Variants in LMBR1 observed in about 807,000 individuals in gnomAD.
LMBR1 encodes limb region 1 protein homolog.
In LMBR1, 52 loss-of-function variants were observed where a neutral mutation model predicts 73.9. That is an observed-to-expected ratio of 0.70 (90% CI 0.56 to 0.89). The LOEUF is 0.89. Among genes scored for constraint, LMBR1 ranks in the 40% least tolerant of loss-of-function variants. The probability of loss-of-function intolerance (pLI) is 0.00; values close to 1 mark genes in which losing one functional copy is unlikely to be tolerated. For synonymous variants in LMBR1, 215 were observed against 209.4 expected, an observed-to-expected ratio of 1.03 and a Z score of -0.23; for missense variants, 539 against 579.8, an observed-to-expected ratio of 0.93 and a Z score of 0.72.
chr7:156,818,951 A>AC (rs1834343242), intron 4 of LMBR1, among the ~76,000 whole-genome samples: 2 of 152,288 alleles, frequency 1.3e-5, no homozygotes, highest in South Asian at 4.1e-4. Flanking sequence ...CATGTCATGG[A>AC]CCCACACTGT....
intron 8 of LMBR1, among the ~76,000 whole-genome samples, chr7:156,757,093 G>C (rs1034630601): frequency 6.6e-6 from 1 of 152,184 alleles, no homozygotes; most frequent in African/African-American, 2.4e-5. Context: ...TGGGATTATA[G>C]AAGTGAGCCA....
chr7:156,852,626 C>T (rs934310680), intron 1 of LMBR1, among the ~76,000 whole-genome samples: 2 of 152,162 alleles, frequency 1.3e-5, no homozygotes, highest in African/African-American at 4.8e-5. Flanking sequence ...TTTTGCTAAA[C>T]AGGGTTGAGA....
At chr7:156,859,244 G>A (rs1158206521) in intron 1 of LMBR1, among the ~76,000 whole-genome samples, 40 of 42,108 alleles carry the variant, frequency 9.5e-4, no homozygotes, top group South Asian at 1.4e-3. Context: ...GTGAAACTCC[G>A]TCTCAAAAAA....
rs192982623 is a variant in LMBR1 at position 156,779,639 on chromosome 7, A to G, written c.424-15844T>C. On this transcript the variant is annotated intron_variant, in intron 5 of 16. Coordinates refer to ENST00000353442, the MANE Select transcript of LMBR1 (RefSeq NM_022458.4). Reference sequence around the variant, plus strand: ...TTTAATTCACATCAATGAAGTGAAAATTACAATGTACTTACAAAAGCTCTA... The same window carrying G: ...TTTAATTCACATCAATGAAGTGAAAGTTACAATGTACTTACAAAAGCTCTA... 3.2e-6 allele frequency: 4 copies of G among 1,232,568 alleles called. No homozygotes were observed. The Admixed American group carries it at 9.7e-5, about 30-fold the overall frequency. The allele number at this position is 1,232,568 out of a possible 1,614,324, so 76.4% of individuals were successfully genotyped here. A position where few individuals can be genotyped will look rare whatever the true frequency, so the allele number is the denominator to read the frequency against.
At chr7:156,726,474 CAA>C (rs1046900275) in intron 12 of LMBR1, among the ~76,000 whole-genome samples, 21 of 150,852 alleles carry the variant, frequency 1.4e-4, no homozygotes, top group Admixed American at 9.3e-4. Context: ...AAAAAAAACA[CAA>C]AAAAGTTACT....
chr7:156,802,137 T>C (rs1831111448), intron 4 of LMBR1, among the ~76,000 whole-genome samples: 2 of 152,216 alleles, frequency 1.3e-5, no homozygotes, highest in South Asian at 4.2e-4. Flanking sequence ...CACGCGCCAC[T>C]GCGCCAGGCT....
chr7:156,877,097 TAA>T (rs940585390), intron 1 of LMBR1, among the ~76,000 whole-genome samples: 4 of 150,648 alleles, frequency 2.7e-5, no homozygotes, highest in Non-Finnish European at 5.9e-5. Context: ...ACCAAGAAAA[TAA>T]GAGAGGATTC....
chr7:156,892,755 G>C (rs1420444339), intron 1 of LMBR1, among the ~76,000 whole-genome samples, 173 bp downstream of exon 1: 1 of 120,858 alleles, frequency 8.3e-6, no homozygotes, highest in Non-Finnish European at 1.9e-5. Flanking sequence ...GGTGGGGAGG[G>C]AAGGGGAGGG....
At chr7:156,709,689 G>C (rs1305872310) in intron 15 of LMBR1, among the ~76,000 whole-genome samples, 1 of 152,006 alleles carries the variant, frequency 6.6e-6, no homozygotes, top group African/African-American at 2.4e-5. Flanking sequence ...TCACCCAGTG[G>C]AACAAAAGAA....
At chr7:156,738,873 T>C (rs990019820) in intron 9 of LMBR1, among the ~76,000 whole-genome samples, 2 of 152,068 alleles carry the variant, frequency 1.3e-5, no homozygotes, top group Non-Finnish European at 2.9e-5. Flanking sequence ...ACATGCTGGC[T>C]TCAGGTCTGA....
chr7:156,836,995 A>T (rs770142055), intron 1 of LMBR1, 110 bp from the exon 2 acceptor site: 30 of 717,768 alleles, frequency 4.2e-5, no homozygotes, highest in Non-Finnish European at 5.9e-5. Context: ...ACTACTAAAA[A>T]GTTAAAATGC....
Position 156,762,207 on chromosome 7 carries a change from A to G in LMBR1, c.620-9T>C. ...GCCAACTGGTGTACACACTGCAGAA[A>G]TAAGATCACCAAAAGACAGAAAGCG... On this transcript the variant is annotated splice_polypyrimidine_tract_variant and intron_variant, in intron 7 of 16. Coordinates refer to ENST00000353442, the MANE Select transcript of LMBR1 (RefSeq NM_022458.4). 1 of 1,599,884 alleles carries G rather than the reference A, an allele frequency of 6.3e-7. No individual in the cohort carries two copies. The highest frequency in any genetic ancestry group is 8.6e-7 in the Non-Finnish European group (1 of 1,167,850).
chr7:156,887,767 T>C (rs1802174974), intron 1 of LMBR1, among the ~76,000 whole-genome samples: 1 of 152,170 alleles, frequency 6.6e-6, no homozygotes, highest in Non-Finnish European at 1.5e-5. Flanking sequence ...GCAAATCACA[T>C]GTCTGATAAG....
Position 156,724,181 on chromosome 7 carries a change from G to T in LMBR1, c.1159-3C>A. Reference sequence around the variant, plus strand: ...ATGGACACACAATTTCCAATGATCTGTTATGAGAAACGAGAAAGAATATTG... The same window carrying T: ...ATGGACACACAATTTCCAATGATCTTTTATGAGAAACGAGAAAGAATATTG... On this transcript the variant is annotated splice_polypyrimidine_tract_variant and splice_region_variant and intron_variant, in intron 14 of 16. Coordinates refer to ENST00000353442, the MANE Select transcript of LMBR1 (RefSeq NM_022458.4). 6.2e-7 allele frequency: 1 copy of T among 1,608,130 alleles called. No homozygotes were observed. Among genetic ancestry groups the T allele is most frequent in the Non-Finnish European group, 8.5e-7 (1 of 1,176,272 alleles).
intron 1 of LMBR1, among the ~76,000 whole-genome samples, chr7:156,868,777 G>A (rs1798846052): frequency 6.6e-6 from 1 of 151,988 alleles, no homozygotes; most frequent in African/African-American, 2.4e-5. Context: ...ACCAGCCTGG[G>A]CAACATGGTG....
chr7:156,693,886 T>A (rs1449844322), intron 15 of LMBR1, among the ~76,000 whole-genome samples: 2 of 151,966 alleles, frequency 1.3e-5, no homozygotes, highest in African/African-American at 4.8e-5. Context: ...GATGCAAAAC[T>A]CCTCAATACA....
At chr7:156,766,789 C>T (rs536709357) in intron 5 of LMBR1, among the ~76,000 whole-genome samples, 13 of 152,254 alleles carry the variant, frequency 8.5e-5, no homozygotes, top group African/African-American at 2.6e-4. Context: ...GAGCCCACTG[C>T]TGGCTAGGTT....
Position 156,713,135 on chromosome 7 carries a change from A to G in LMBR1, c.1225+10977T>C, listed in dbSNP as rs116588594. On this transcript the variant is annotated intron_variant, in intron 15 of 16. Transcript: ENST00000353442. ...AATATACGTTAAATGAAAGAAACCT[A>G]TCTGAAAAGGTTATATACTGTGTGA... Among the ~76,000 whole-genome samples the G allele has an allele frequency of 2.7e-3, 405 of 152,308 alleles. 2 individuals carry two copies. The highest frequency in any genetic ancestry group is 9.3e-3 in the African/African-American group (388 of 41,578).
chr7:156,775,984 G>A (rs1826054850), intron 5 of LMBR1, among the ~76,000 whole-genome samples: 1 of 151,456 alleles, frequency 6.6e-6, no homozygotes, highest in Non-Finnish European at 1.5e-5. Context: ...CATGTGAAAT[G>A]AGGATATGAA....
Sources: allele counts gnomAD v4.1 joint callset (sites outside exome capture counted in the v4.1 genomes callset), GRCh38; gene constraint gnomAD v4.1.1; transcripts MANE v1.5; gene names NCBI Gene and HGNC (gene_info 2026-07-23, HGNC 2026-07-21).